The following KCNK10 variants were observed in gnomAD, a reference collection of about 807,000 sequenced individuals.
KCNK10 encodes potassium two pore domain channel subfamily K member 10, also known as potassium channel subfamily K member 10.
Under a neutral mutation model 47.7 loss-of-function variants are expected in KCNK10, and 25 were observed. The ratio of observed to expected loss-of-function variants is 0.52; its 90% CI spans 0.38 to 0.73. The LOEUF is 0.73. Among genes scored for constraint, KCNK10 ranks in the 30% least tolerant of loss-of-function variants. The probability of loss-of-function intolerance (pLI) is 0.00; values close to 1 mark genes in which losing one functional copy is unlikely to be tolerated. For missense variants in KCNK10, 563 were observed against 714.5 expected, an observed-to-expected ratio of 0.79 and a Z score of 2.42; for synonymous variants, 303 against 285.6, an observed-to-expected ratio of 1.06 and a Z score of -0.61.
chr14:88,240,656 C>A (rs1013956640), intron 3 of KCNK10, 47 bp downstream of exon 3: 1 of 1,253,168 alleles, frequency 8.0e-7, no homozygotes. Flanking sequence ...AGCGCCCTTA[C>A]TCAAGATGAC....
intron 2 of KCNK10, among the ~76,000 whole-genome samples, chr14:88,257,086 T>C (rs1886978002): frequency 6.6e-6 from 1 of 152,190 alleles, no homozygotes; most frequent in African/African-American, 2.4e-5. Flanking sequence ...GTTTGAGTAA[T>C]TTTCAAGTTT....
At chr14:88,244,173 A>T (rs1435091262) in intron 2 of KCNK10, among the ~76,000 whole-genome samples, 1 of 152,156 alleles carries the variant, frequency 6.6e-6, no homozygotes, top group Non-Finnish European at 1.5e-5. Flanking sequence ...AACTCTGGCA[A>T]ACAACCAGAA....
rs574214138 is a variant in KCNK10 at position 88,254,582 on chromosome 14, G to A, written c.402+8620C>T. Reference sequence around the variant, plus strand: ...ATTCTACGCTTCCCCGTCAGTCAGCGAAGGCTCCTCACGATTTTATTCTTT... The same window carrying A: ...ATTCTACGCTTCCCCGTCAGTCAGCAAAGGCTCCTCACGATTTTATTCTTT... On this transcript the variant is annotated intron_variant, in intron 2 of 6. Transcript: ENST00000319231. Among the ~76,000 whole-genome samples, 14 of 152,300 alleles carry A rather than the reference G, an allele frequency of 9.2e-5. 1 individual carries two copies. The South Asian group carries it at 2.7e-3, about 29-fold the overall frequency.
intron 1 of KCNK10, among the ~76,000 whole-genome samples, chr14:88,284,500 G>A (rs923630386): frequency 6.6e-6 from 1 of 152,196 alleles, no homozygotes; most frequent in Admixed American, 6.5e-5. Context: ...TAGGGAAGCC[G>A]ACAGTGCACT....
intron 1 of KCNK10, among the ~76,000 whole-genome samples, chr14:88,301,486 G>A (rs1888096925): frequency 6.6e-6 from 1 of 151,800 alleles, no homozygotes; most frequent in South Asian, 2.1e-4. Context: ...TTTTCAAAGA[G>A]TTAGAGGCAT....
Position 88,300,769 on chromosome 14 carries a change from A to G in KCNK10, c.52+21978T>C, listed in dbSNP as rs570213211. On this transcript the variant is annotated intron_variant, in intron 1 of 6. Coordinates refer to ENST00000319231, the MANE Select transcript of KCNK10 (RefSeq NM_138317.3). ...TCCTAATGCTTCTTTTAAAGAACTC[A>G]CCTATGCCTTCAAATGAATTGAATG... is the stretch of plus-strand genomic sequence containing the variant. Among the ~76,000 whole-genome samples, 4 of 152,358 alleles carry G rather than the reference A, an allele frequency of 2.6e-5. No homozygotes were observed. In the East Asian group the frequency reaches 7.7e-4, roughly 29 times the overall value.
chr14:88,240,672 G>T, intron 3 of KCNK10, 31 bp downstream of exon 3: 1 of 1,383,190 alleles, frequency 7.2e-7, no homozygotes, highest in Non-Finnish European at 1.0e-6. Flanking sequence ...ATGACCTGCA[G>T]AGGAAGAGAT....
intron 4 of KCNK10, among the ~76,000 whole-genome samples, chr14:88,215,105 G>T (rs1400628425): frequency 6.6e-6 from 1 of 151,182 alleles, no homozygotes; most frequent in African/African-American, 2.4e-5. Context: ...CTTTGGCAGG[G>T]TAACTTACTG....
At chr14:88,288,628 C>T (rs762441855) in intron 1 of KCNK10, among the ~76,000 whole-genome samples, 6 of 152,194 alleles carry the variant, frequency 3.9e-5, no homozygotes, top group Non-Finnish European at 8.8e-5. Context: ...TCCCACAACT[C>T]CCTGAGGAAC....
rs561229459 is a variant in KCNK10, at chr14:88,223,404, ATT to A, written c.681+3969_681+3970del. ...CAATGCCCATCCCTGAGTAAATATCATTTTCTTTCAATGAGCCTCTGTCTGTA... is the reference window on the plus strand; with the variant it reads ...CAATGCCCATCCCTGAGTAAATATCATTCTTTCAATGAGCCTCTGTCTGTA... On this transcript the variant is annotated intron_variant, in intron 4 of 6. Transcript: ENST00000319231. Among the ~76,000 whole-genome samples the A allele has an allele frequency of 1.3e-3, 194 of 149,570 alleles. 1 individual carries two copies. The highest frequency in any genetic ancestry group is 4.7e-3 in the African/African-American group (191 of 40,460).
At chr14:88,223,892 T>C (rs1368379358) in intron 4 of KCNK10, among the ~76,000 whole-genome samples, 1 of 152,064 alleles carries the variant, frequency 6.6e-6, no homozygotes, top group Non-Finnish European at 1.5e-5. Flanking sequence ...CTTAAAAAAA[T>C]GTGTGTGGCT....
intron 4 of KCNK10, among the ~76,000 whole-genome samples, chr14:88,195,583 A>G (rs1347544288): frequency 6.6e-6 from 1 of 152,168 alleles, no homozygotes; most frequent in East Asian, 1.9e-4. Flanking sequence ...TGTCAATGAC[A>G]AAAAATGTCC....
intron 1 of KCNK10, among the ~76,000 whole-genome samples, chr14:88,274,549 TAAA>T (rs3994047): frequency 7.4e-5 from 3 of 40,504 alleles, no homozygotes; most frequent in East Asian, 1.8e-3. Flanking sequence ...AGACTCTATC[TAAA>T]AAAAAAAAAA....
chr14:88,325,964 G>T (rs10141749), upstream of KCNK10, among the ~76,000 whole-genome samples: 25,642 of 151,890 alleles, frequency 0.17, 2,745 homozygotes, highest in African/African-American at 0.3. Flanking sequence ...ATGGGGAGGT[G>T]GGGGTAGACT....
At chr14:88,309,846 G>C (rs907019231) in intron 1 of KCNK10, among the ~76,000 whole-genome samples, 8 of 148,588 alleles carry the variant, frequency 5.4e-5, no homozygotes, top group Non-Finnish European at 1.2e-4. Context: ...AGTTTAACAT[G>C]AGCAGAGCAA....
chr14:88,252,474 A>G (rs965851020), intron 2 of KCNK10, among the ~76,000 whole-genome samples: 13 of 152,322 alleles, frequency 8.5e-5, no homozygotes, highest in Middle Eastern at 3.4e-3. Context: ...GCAGAGCCAC[A>G]GCCTTGGGAA....
intron 2 of KCNK10, among the ~76,000 whole-genome samples, chr14:88,242,236 T>C (rs745882665): frequency 1.3e-5 from 2 of 152,232 alleles, no homozygotes; most frequent in African/African-American, 2.4e-5. Flanking sequence ...CAATCATCAT[T>C]ACATTTTGCC....
intron 4 of KCNK10, among the ~76,000 whole-genome samples, chr14:88,204,595 C>T (rs866431280): frequency 1.3e-5 from 2 of 149,216 alleles, no homozygotes; most frequent in African/African-American, 5.0e-5. Context: ...CTCCCCCCTA[C>T]CCCCGCTGCA....
intron 2 of KCNK10, among the ~76,000 whole-genome samples, chr14:88,254,488 G>A (rs545782797): frequency 1.1e-4 from 17 of 152,054 alleles, no homozygotes; most frequent in Non-Finnish European, 2.4e-4. Flanking sequence ...CAAACATCTG[G>A]GAAACATCAG....
Sources: gnomAD v4.1 joint callset for allele counts (sites outside exome capture counted in the v4.1 genomes callset) on GRCh38, gnomAD v4.1.1 for gene constraint, MANE v1.5 for transcripts, NCBI Gene and HGNC (gene_info 2026-07-23, HGNC 2026-07-21) for gene names.